The following TRIM2 variants were observed in gnomAD, a reference collection of about 807,000 sequenced individuals.
TRIM2 encodes the protein tripartite motif containing 2, also known as tripartite motif-containing protein 2.
In TRIM2, 20 loss-of-function variants were observed where a neutral mutation model predicts 75.2. The observed-to-expected ratio is 0.27, with a 90% confidence interval of 0.19 to 0.39. The LOEUF is 0.39. Among genes scored for constraint, TRIM2 ranks in the 10% least tolerant of loss-of-function variants. The pLI is 1.00. For missense variants in TRIM2, 660 were observed against 990.8 expected (o/e 0.67, Z 4.48); for synonymous variants, 373 against 388.3 (o/e 0.96, Z 0.46).
chr4:153,297,423 C>T (rs976983521), intron 6 of TRIM2, among the ~76,000 whole-genome samples: 2 of 152,096 alleles, frequency 1.3e-5, no homozygotes, highest in Non-Finnish European at 2.9e-5. Flanking sequence ...ACTTCTATGT[C>T]CATGAAATGA....
rs1772826061 is a variant in TRIM2, at chr4:153,339,240, T to C, written c.*4274T>C. The C allele has an allele frequency of 1.0e-6, 1 of 969,336 alleles. No homozygotes were observed. Among genetic ancestry groups the C allele is most frequent in the Non-Finnish European group, 1.2e-6 (1 of 815,062 alleles). The allele number at this position is 969,336 out of a possible 1,614,324, so 60.0% of individuals were successfully genotyped here. A position where few individuals can be genotyped will look rare whatever the true frequency, so the allele number is the denominator to read the frequency against. ...TTTCAATTAATTCTGTCTTGAAACA[T>C]AGGAGAAACAGGATTCATGTGTATC... On this transcript the variant is annotated 3_prime_UTR_variant, in exon 12 of 12. Transcript: ENST00000338700.
chr4:153,182,086 C>A (rs1412727137), intron 1 of TRIM2, among the ~76,000 whole-genome samples: 2 of 152,130 alleles, frequency 1.3e-5, no homozygotes, highest in African/African-American at 4.8e-5. Flanking sequence ...CCAAGCAGCC[C>A]ATTTTACAGA....
chr4:153,158,161 G>A lies in TRIM2; in HGVS notation c.-49+4891G>A, dbSNP rs566440257. 2.6e-5 allele frequency among the ~76,000 whole-genome samples: 4 copies of A among 152,324 alleles called. No homozygotes were observed. In the East Asian group the frequency reaches 5.8e-4, roughly 22 times the overall value. ...CTACTTAAGTGTGTCCAGGGACAGA[G>A]AGAGAAGGTAAAACCCCAGTCTATT... is the stretch of plus-strand genomic sequence containing the variant. On this transcript the variant is annotated intron_variant, in intron 1 of 11. Transcript: ENST00000437508.
intron 1 of TRIM2, among the ~76,000 whole-genome samples, chr4:153,158,540 A>C (rs1423414948): frequency 6.6e-6 from 1 of 152,266 alleles, no homozygotes; most frequent in Non-Finnish European, 1.5e-5. Flanking sequence ...AATGAAAAAA[A>C]GCAAAGGAAG....
chr4:153,164,740 A>G (rs1730115991), intron 1 of TRIM2, among the ~76,000 whole-genome samples: 1 of 152,142 alleles, frequency 6.6e-6, no homozygotes, highest in Non-Finnish European at 1.5e-5. Context: ...CTTATAGTAG[A>G]TGAGAACTTA....
At chr4:153,309,100 G>A (rs1372051138) in intron 6 of TRIM2, among the ~76,000 whole-genome samples, 1 of 152,224 alleles carries the variant, frequency 6.6e-6, no homozygotes, top group Non-Finnish European at 1.5e-5. Flanking sequence ...AACTTACAGT[G>A]TAGTGAAGGA....
Position 153,295,632 on chromosome 4 carries a change from A to G in TRIM2, c.1106A>G (p.Gln369Arg), listed in dbSNP as rs1430793907. 1.2e-6 allele frequency: 2 copies of G among 1,613,892 alleles called. No homozygotes were observed. The highest frequency in any genetic ancestry group is 1.1e-5 in the South Asian group (1 of 91,070). ...GGGCTGCGGCAGACCATCATCGGGC[A>G]GCCCATGTCCGTCACCATCACCACC... Reference protein sequence around the residue: ...GEGLRQTIIGQPMSVTITTKD... With the variant: ...GEGLRQTIIGRPMSVTITTKD... Residue 369 changes from glutamine (Q) to arginine (R), a missense_variant, in exon 6 of 12, where the codon CAG (glutamine) becomes CGG (arginine). Physicochemically the swap from Gln to Arg is conservative, Grantham distance 43. Around this residue, in one of 2 missense-constraint regions of TRIM2, gnomAD observed 620 missense variants for 891.0 expected, o/e 0.70. Transcript: ENST00000338700. The surrounding 1 kb of genome is among the most constrained non-coding windows in gnomAD (Gnocchi z 7.2).
chr4:153,332,170 G>A (rs144096341), intron 11 of TRIM2, among the ~76,000 whole-genome samples: 337 of 152,058 alleles, frequency 2.2e-3, no homozygotes, highest in African/African-American at 7.7e-3. Context: ...TAACAAATTG[G>A]GTTTCATAAA....
rs76864765 is a variant in TRIM2, at chr4:153,324,627, G to T, written c.2022+479G>T. 485 of 154,620 alleles carry T rather than the reference G, an allele frequency of 3.1e-3. 1 individual carries two copies. Among genetic ancestry groups the T allele is most frequent in the African/African-American group, 0.011 (445 of 41,526 alleles). The allele number at this position is 154,620 out of a possible 1,614,324, so 9.6% of individuals were successfully genotyped here. A position where few individuals can be genotyped will look rare whatever the true frequency, so the allele number is the denominator to read the frequency against. The stretch of plus-strand genomic sequence containing the variant: ...CTTCTTAGAATGCTTTCACACATTT[G>T]GTGTTCTTTAGAAAACAGTGACCTA... On this transcript the variant is annotated intron_variant, in intron 10 of 11. Transcript: ENST00000338700.
intron 11 of TRIM2, among the ~76,000 whole-genome samples, chr4:153,330,628 T>C (rs1408970695): frequency 6.6e-6 from 1 of 152,220 alleles, no homozygotes; most frequent in Non-Finnish European, 1.5e-5. Flanking sequence ...AAAAACTATA[T>C]GATCATATCA....
intron 1 of TRIM2, among the ~76,000 whole-genome samples, chr4:153,245,321 T>C (rs1470675173): frequency 6.6e-6 from 1 of 152,258 alleles, no homozygotes; most frequent in Non-Finnish European, 1.5e-5. Flanking sequence ...GTTTATAATG[T>C]TGTTAGTCAG....
rs748617401 is a variant in TRIM2 at position 153,270,409 on chromosome 4, C to T, written c.105C>T (p.Ile35=). The T allele has an allele frequency of 1.2e-6, 2 of 1,614,052 alleles. No homozygotes were observed. Among genetic ancestry groups the T allele is most frequent in the Non-Finnish European group, 1.7e-6 (2 of 1,179,984 alleles). The change falls in exon 2 of 12, where the codon ATC becomes ATT. Residue 35 remains isoleucine, a synonymous_variant. Coordinates refer to ENST00000338700, the MANE Select transcript of TRIM2 (RefSeq NM_015271.5). ...GGATGGCCAGTGAAGGCACCAACAT[C>T]CCAAGTCCTGTGGTGCGCCAGATTG... ...WSRMASEGTN[I]PSPVVRQIDK...
intron 1 of TRIM2, among the ~76,000 whole-genome samples, chr4:153,188,924 T>C (rs1732898144): frequency 6.6e-6 from 1 of 152,194 alleles, no homozygotes; most frequent in Non-Finnish European, 1.5e-5. Context: ...TTTCATAACC[T>C]GGCCCCTGCT....
In TRIM2 at chr4:153,248,987, C is replaced by T. The variant is rs1201387676; in HGVS notation, c.31-21348C>T. Among the ~76,000 whole-genome samples, 2 of 152,228 alleles carry T rather than the reference C, an allele frequency of 1.3e-5. No homozygotes were observed. Among genetic ancestry groups the T allele is most frequent in the Non-Finnish European group, 2.9e-5 (2 of 68,048 alleles). On this transcript the variant is annotated intron_variant, in intron 1 of 11. Coordinates refer to ENST00000338700, the MANE Select transcript of TRIM2 (RefSeq NM_015271.5). The surrounding 1 kb of genome is among the most constrained non-coding windows in gnomAD (Gnocchi z 4.0). ...GGTTAGCAGGCAAAGAGCTGTGGAC[C>T]CCGGACACGGGAAAAGGCCACAGTC...
At chr4:153,273,584 C>T (rs1386568012) in intron 2 of TRIM2, among the ~76,000 whole-genome samples, 3 of 151,780 alleles carry the variant, frequency 2.0e-5, no homozygotes, top group South Asian at 2.1e-4. Context: ...TGAGCCACCA[C>T]GCCCAGCCCT....
intron 1 of TRIM2, among the ~76,000 whole-genome samples, chr4:153,195,266 C>T (rs1332191272): frequency 6.6e-6 from 1 of 152,122 alleles, no homozygotes; most frequent in Non-Finnish European, 1.5e-5. Context: ...GGCCTGTAAT[C>T]CCAGCACTTT....
intron 1 of TRIM2, chr4:153,257,693 C>T (rs1752408451): frequency 4.3e-6 from 4 of 926,174 alleles, no homozygotes; most frequent in Non-Finnish European, 6.1e-6. Flanking sequence ...TGGATTGCCG[C>T]GTAGCTGCAG....
At chr4:153,320,944 A>G (rs757004245) in intron 8 of TRIM2, among the ~76,000 whole-genome samples, 1 of 152,164 alleles carries the variant, frequency 6.6e-6, no homozygotes, top group Non-Finnish European at 1.5e-5. Context: ...GAGTTCTTTC[A>G]TAAAAACACA....
chr4:153,240,799 C>A (rs9993956), intron 1 of TRIM2, among the ~76,000 whole-genome samples: 26 of 152,334 alleles, frequency 1.7e-4, no homozygotes, highest in African/African-American at 5.8e-4. Context: ...GTTTCCCTGG[C>A]CGGGCGTGGT....
Sources: gnomAD v4.1 joint callset for allele counts (sites outside exome capture counted in the v4.1 genomes callset) on GRCh38, gnomAD v4.1.1 for gene constraint, gnomAD v4.1.1 regional missense constraint, Gnocchi (gnomAD v3.1) non-coding constraint, MANE v1.5 for transcripts, NCBI Gene and HGNC (gene_info 2026-07-23, HGNC 2026-07-21) for gene names.